The following CREBBP variants were observed in gnomAD, a reference collection of about 807,000 sequenced individuals.
CREBBP encodes the protein CREB-binding protein.
In CREBBP, 19 loss-of-function variants were observed where a neutral mutation model predicts 265.0. That is an observed-to-expected ratio of 0.07 (90% CI 0.05 to 0.11). The LOEUF (loss-of-function observed/expected upper bound fraction) is 0.11. Ranked by LOEUF, CREBBP falls within the 10% of genes least tolerant of loss-of-function variation. The pLI is 1.00. For synonymous variants in CREBBP, 1,457 were observed against 1,223.7 expected (o/e 1.19, Z -3.98); for missense variants, 2,525 against 3,219.0 (o/e 0.78, Z 5.22).
intron 26 of CREBBP, among the ~76,000 whole-genome samples, chr16:3,738,023 T>A (rs958617757): frequency 6.6e-6 from 1 of 151,876 alleles, no homozygotes; most frequent in African/African-American, 2.4e-5. Context: ...CCTGACCTTG[T>A]GATCCGCCCG....
At chr16:3,854,122 C>T (rs992005085) in intron 1 of CREBBP, among the ~76,000 whole-genome samples, 2 of 152,190 alleles carry the variant, frequency 1.3e-5, no homozygotes, top group African/African-American at 4.8e-5. Flanking sequence ...CTCTGAGGAA[C>T]GTTCCCTGGC....
intron 2 of CREBBP, among the ~76,000 whole-genome samples, chr16:3,836,001 A>G (rs2054441331): frequency 1.3e-5 from 2 of 152,204 alleles, no homozygotes; most frequent in Admixed American, 1.3e-4. Flanking sequence ...AAAAAGAACT[A>G]GTTCATGCCA....
intron 2 of CREBBP, chr16:3,812,897 C>T (rs114734483): frequency 1.1e-3 from 224 of 198,968 alleles, no homozygotes; most frequent in African/African-American, 4.9e-3. Flanking sequence ...GGTGAGTTTC[C>T]AGTTAAGAAA....
Position 3,728,667 on chromosome 16 carries a change from A to G in CREBBP, c.6380T>C (p.Met2127Thr). ...CTGGTGCATGCCAGGCTGGGGTTGCATGCCGGGCTGGGACTGGAGGCCAGG... is the reference window on the plus strand; with the variant it reads ...CTGGTGCATGCCAGGCTGGGGTTGCGTGCCGGGCTGGGACTGGAGGCCAGG... ...PQPGLQSQPG[M>T]QPQPGMHQQP... The change falls in exon 31 of 31, where the codon ATG (methionine) becomes ACG (threonine). Residue 2127 changes from methionine to threonine, a missense_variant. Transcript: ENST00000262367. The surrounding 1 kb of genome is among the most constrained non-coding windows in gnomAD (Gnocchi z 8.7). 6.2e-7 allele frequency: 1 copy of G among 1,613,666 alleles called. No homozygotes were observed. The highest frequency in any genetic ancestry group is 1.7e-4 in the Middle Eastern group (1 of 6,060).
chr16:3,805,492 G>A (rs906588892), intron 3 of CREBBP, among the ~76,000 whole-genome samples: 6 of 152,154 alleles, frequency 3.9e-5, no homozygotes, highest in Non-Finnish European at 7.3e-5. Flanking sequence ...TAATGTTAGG[G>A]AACACAGGCA....
rs2151326548 is a variant in CREBBP at position 3,735,591 on chromosome 16, G to T, written c.4728+445C>A. Among the ~76,000 whole-genome samples, 3 of 152,262 alleles carry T rather than the reference G, an allele frequency of 2.0e-5. 1 individual carries two copies. In the South Asian group the frequency reaches 6.2e-4, roughly 32 times the overall value. On this transcript the variant is annotated intron_variant, in intron 28 of 30. Coordinates refer to ENST00000262367, the MANE Select transcript of CREBBP (RefSeq NM_004380.3). ...GTTACAGGTGTGAGCCACCGCGCCT[G>T]GCCAGGGATGGGGTTTTGTTTGGCT...
chr16:3,737,605 G>A (rs1222244024), intron 26 of CREBBP, among the ~76,000 whole-genome samples: 1 of 151,564 alleles, frequency 6.6e-6, no homozygotes, highest in Admixed American at 6.6e-5. Flanking sequence ...GATTACGCTA[G>A]GCACCCGCCA....
At position 3,794,407 on chromosome 16, in the gene CREBBP, T is replaced by C. The variant is rs144532806; in HGVS notation, c.976-781A>G. 8.9e-5 allele frequency among the ~76,000 whole-genome samples: 13 copies of C among 146,806 alleles called. No individual in the cohort carries two copies. In the East Asian group the frequency reaches 2.0e-3, roughly 23 times the overall value. On this transcript the variant is annotated intron_variant, in intron 3 of 30. Coordinates refer to ENST00000262367, the MANE Select transcript of CREBBP (RefSeq NM_004380.3). ...ACCAATTGCAATGTACTACAAACAT[T>C]TGATGTAGCAAAAAGAATCAGAGCC...
Position 3,873,432 on chromosome 16 carries a change from G to C in CREBBP, c.85+6400C>G, listed in dbSNP as rs28702943. ...CTGCTGAGGTGCTACACTATCACACGCGTGCCTGCACACTGGTTTCTGTGG... is the reference window on the plus strand; with the variant it reads ...CTGCTGAGGTGCTACACTATCACACCCGTGCCTGCACACTGGTTTCTGTGG... On this transcript the variant is annotated intron_variant, in intron 1 of 30. Coordinates refer to ENST00000262367, the MANE Select transcript of CREBBP (RefSeq NM_004380.3). Among the ~76,000 whole-genome samples, 1,248 of 152,272 alleles carry C rather than the reference G, an allele frequency of 8.2e-3. 24 individuals are homozygous for C. The highest frequency in any genetic ancestry group is 0.028 in the African/African-American group (1,178 of 41,546).
At chr16:3,823,690 G>T (rs1257419254) in intron 2 of CREBBP, among the ~76,000 whole-genome samples, 2 of 152,164 alleles carry the variant, frequency 1.3e-5, no homozygotes, top group African/African-American at 2.4e-5. Flanking sequence ...AGTTTAGGCA[G>T]CAAGGGATGC....
intron 3 of CREBBP, among the ~76,000 whole-genome samples, chr16:3,808,243 T>G (rs1293608546): frequency 2.0e-5 from 3 of 152,170 alleles, no homozygotes; most frequent in African/African-American, 7.2e-5. Flanking sequence ...AGCAAAAGGA[T>G]GAGATGCTGT....
Position 3,728,511 on chromosome 16 carries a change from T to C in CREBBP, c.6536A>G (p.Asn2179Ser). The part of the protein sequence containing the change: ...QALNIMNPGH[N>S]PNMASMNPQY... ...TGGATTCATACTCGCCATGTTGGGGTTGTGTCCTGGGTTCATGATGTTCAA... is the reference window on the plus strand; with the variant it reads ...TGGATTCATACTCGCCATGTTGGGGCTGTGTCCTGGGTTCATGATGTTCAA... The change falls in exon 31 of 31, where the codon AAC becomes AGC. Residue 2179 changes from asparagine (N) to serine (S), a missense_variant. Transcript: ENST00000262367. The surrounding 1 kb of genome is among the most constrained non-coding windows in gnomAD (Gnocchi z 8.7). 4 of 1,613,892 alleles carry C rather than the reference T, an allele frequency of 2.5e-6. No homozygotes were observed. The highest frequency in any genetic ancestry group is 3.4e-6 in the Non-Finnish European group (4 of 1,179,992).
chr16:3,827,784 G>A (rs2054266965), intron 2 of CREBBP, among the ~76,000 whole-genome samples: 1 of 151,892 alleles, frequency 6.6e-6, no homozygotes, highest in Non-Finnish European at 1.5e-5. Context: ...CCGGCCTCCT[G>A]AGCTCAAGTG....
At chr16:3,846,052 T>A (rs938102766) in intron 2 of CREBBP, among the ~76,000 whole-genome samples, 2 of 152,122 alleles carry the variant, frequency 1.3e-5, no homozygotes, top group Non-Finnish European at 2.9e-5. Context: ...AAACATATAC[T>A]TGGTAAAAAC....
At chr16:3,875,687 T>G (rs2141599974) in intron 1 of CREBBP, among the ~76,000 whole-genome samples, 1 of 152,262 alleles carries the variant, frequency 6.6e-6, no homozygotes, top group South Asian at 2.1e-4. Flanking sequence ...AATAAATATA[T>G]AGAGCTACGG....
chr16:3,824,022 T>G (rs2054191866), intron 2 of CREBBP, among the ~76,000 whole-genome samples: 1 of 151,950 alleles, frequency 6.6e-6, no homozygotes, highest in Non-Finnish European at 1.5e-5. Context: ...TGTGTTAAAG[T>G]CTTTCAGGAG....
At chr16:3,746,201 C>G (rs1255801330) in intron 21 of CREBBP, among the ~76,000 whole-genome samples, 2 of 152,168 alleles carry the variant, frequency 1.3e-5, no homozygotes, top group Non-Finnish European at 2.9e-5. Context: ...GAGCTTTGAG[C>G]TACAGCTCCT....
chr16:3,870,945 T>C (rs955754738), intron 1 of CREBBP, among the ~76,000 whole-genome samples: 7 of 148,650 alleles, frequency 4.7e-5, no homozygotes, highest in Non-Finnish European at 1.0e-4. Context: ...TGCTGAAGGA[T>C]GGGAGTTCAA....
At chr16:3,770,507 T>A (rs2141197693) in intron 14 of CREBBP, 63 bp downstream of exon 14, 6 of 1,586,580 alleles carry the variant, frequency 3.8e-6, no homozygotes, top group Non-Finnish European at 5.2e-6. Context: ...GACACACAAT[T>A]TTTATGGGAA....
Sources: gnomAD v4.1 joint callset for allele counts (sites outside exome capture counted in the v4.1 genomes callset) on GRCh38, gnomAD v4.1.1 for gene constraint, Gnocchi (gnomAD v3.1) non-coding constraint, MANE v1.5 for transcripts, NCBI Gene and HGNC (gene_info 2026-07-23, HGNC 2026-07-21) for gene names.